The following TNKS2 variants were observed in gnomAD, a reference collection of about 807,000 sequenced individuals.
The protein encoded by TNKS2 is tankyrase 2.
Under a neutral mutation model 137.6 loss-of-function variants are expected in TNKS2, and 72 were observed. That is an observed-to-expected ratio of 0.52 (90% confidence interval 0.43 to 0.64). The LOEUF (loss-of-function observed/expected upper bound fraction) is 0.64. Ranked by LOEUF, TNKS2 falls within the 30% of genes least tolerant of loss-of-function variation. TNKS2 has a pLI of 0.00. For synonymous variants in TNKS2, 516 were observed against 512.1 expected (o/e 1.01, Z -0.10); for missense variants, 1,049 against 1,410.2 (o/e 0.74, Z 4.10).
At chr10:91,861,971 G>C (rs1164950650) in intron 25 of TNKS2, 28 bp from the exon 26 acceptor site, 1 of 1,587,330 alleles carries the variant, frequency 6.3e-7, no homozygotes, top group East Asian at 2.3e-5. Flanking sequence ...TTTGACTTCA[G>C]GGTGATCTTT....
At chr10:91,855,235 A>G (rs1842670478) in intron 22 of TNKS2, 109 bp downstream of exon 22, 1 of 724,142 alleles carries the variant, frequency 1.4e-6, no homozygotes, top group Non-Finnish European at 2.3e-6. Context: ...TTTCACCTAT[A>G]AAATCTGTTT....
intron 1 of TNKS2, among the ~76,000 whole-genome samples, chr10:91,800,655 G>T (rs1424561801): frequency 2.0e-5 from 3 of 152,044 alleles, no homozygotes; most frequent in Non-Finnish European, 2.9e-5. Context: ...AAATTATCAG[G>T]TATAGGTTAT....
chr10:91,862,903 TG>T lies in TNKS2; in HGVS notation c.3439-33del, dbSNP rs755194175. ...TCTGTTTATCTTTCAAGAAAATTTT[TG>T]TACCATTATTTGAATTTATCTTTCT... On this transcript the variant is annotated intron_variant, in intron 26 of 26. Transcript: ENST00000371627. 3 of 1,502,714 alleles carry T rather than the reference TG, an allele frequency of 2.0e-6. No individual in the cohort carries two copies. In the Admixed American group the frequency reaches 5.4e-5, roughly 27 times the overall value. 93.1% of individuals were successfully genotyped at this position (1,502,714 alleles called of 1,614,324 possible).
rs1490197095 is a variant in TNKS2 at position 91,851,272 on chromosome 10, C to T, written c.2751C>T (p.Ile917=). 1.9e-6 allele frequency: 3 copies of T among 1,612,820 alleles called. No homozygotes were observed. In the Admixed American group the frequency reaches 5.0e-5, roughly 27 times the overall value. The change falls in exon 21 of 27, where the codon ATC becomes ATT. Residue 917 remains isoleucine, a synonymous_variant. Coordinates refer to ENST00000371627, the MANE Select transcript of TNKS2 (RefSeq NM_025235.4). ...MGHKELKEIG[I]NAYGHRHKLI... ...ACAAGGAGCTGAAGGAGATTGGAAT[C>T]AATGCTTATGGACATAGGCACAAAC...
chr10:91,826,562 C>G (rs1229363534), intron 7 of TNKS2, among the ~76,000 whole-genome samples: 1 of 152,118 alleles, frequency 6.6e-6, no homozygotes, highest in African/African-American at 2.4e-5. Context: ...ACAGATATAT[C>G]TAATATGTGG....
chr10:91,852,364 T>C (rs1842566490), intron 21 of TNKS2, among the ~76,000 whole-genome samples: 1 of 151,348 alleles, frequency 6.6e-6, no homozygotes, highest in Non-Finnish European at 1.5e-5. Context: ...GAGAACATCC[T>C]GGCTAACATG....
intron 3 of TNKS2, among the ~76,000 whole-genome samples, chr10:91,817,431 T>C (rs924650539): frequency 6.6e-6 from 1 of 152,238 alleles, no homozygotes; most frequent in African/African-American, 2.4e-5. Context: ...TTCTAATTGC[T>C]GTTTAAGTAT....
At chr10:91,842,797 C>A (rs1431519403) in intron 16 of TNKS2, among the ~76,000 whole-genome samples, 2 of 152,026 alleles carry the variant, frequency 1.3e-5, no homozygotes, top group East Asian at 3.9e-4. Context: ...AAATTCAAAT[C>A]AAGTATCTTC....
intron 19 of TNKS2, among the ~76,000 whole-genome samples, chr10:91,849,052 G>A (rs577574801): frequency 6.6e-6 from 1 of 152,294 alleles, no homozygotes; most frequent in South Asian, 2.1e-4. Flanking sequence ...GGCCAGACTG[G>A]TCTTGAACTC....
At chr10:91,857,008 C>T (rs1175214006) in intron 23 of TNKS2, among the ~76,000 whole-genome samples, 2 of 152,040 alleles carry the variant, frequency 1.3e-5, no homozygotes, top group Non-Finnish European at 2.9e-5. Context: ...GACGCTATTT[C>T]AAATATTCTT....
At chr10:91,820,253 T>G (rs1589657498) in intron 6 of TNKS2, among the ~76,000 whole-genome samples, 1 of 152,280 alleles carries the variant, frequency 6.6e-6, no homozygotes, top group East Asian at 1.9e-4. Context: ...AAAAGATACC[T>G]AAGAATACAA....
At chr10:91,832,782 T>G (rs1160409661) in intron 11 of TNKS2, among the ~76,000 whole-genome samples, 5 of 152,144 alleles carry the variant, frequency 3.3e-5, no homozygotes, top group Admixed American at 2.0e-4. Context: ...AGGGATAACG[T>G]TGGTGGAGTC....
In TNKS2 at chr10:91,857,534, A is replaced by C; in HGVS notation, c.3094+4A>C. ...AATGAACGAATGCTATTTCATGGTA[A>C]GATTCCTCCCCACCAACTCTACCAC... On this transcript the variant is annotated splice_donor_region_variant and intron_variant, in intron 24 of 26. Coordinates refer to ENST00000371627, the MANE Select transcript of TNKS2 (RefSeq NM_025235.4). 1 of 1,600,354 alleles carries C rather than the reference A, an allele frequency of 6.2e-7. No individual in the cohort carries two copies. Among genetic ancestry groups the C allele is most frequent in the Non-Finnish European group, 8.6e-7 (1 of 1,169,236 alleles).
intron 6 of TNKS2, among the ~76,000 whole-genome samples, chr10:91,820,726 G>C (rs1245488984): frequency 6.6e-6 from 1 of 152,200 alleles, no homozygotes; most frequent in Non-Finnish European, 1.5e-5. Context: ...AGAGAGAGGA[G>C]ACTAGAAGCA....
At chr10:91,833,706 T>G in intron 11 of TNKS2, 147 bp from the exon 12 acceptor site, 1 of 609,280 alleles carries the variant, frequency 1.6e-6, no homozygotes, top group South Asian at 4.6e-5. Flanking sequence ...ATTCTCTAGA[T>G]TTGAGCAAAA....
chr10:91,835,055 G>T (rs1016207940), intron 12 of TNKS2, among the ~76,000 whole-genome samples: 1 of 152,116 alleles, frequency 6.6e-6, no homozygotes, highest in African/African-American at 2.4e-5. Context: ...CCTGTTTTCT[G>T]TCAGCACTAG....
At chr10:91,819,107 A>G (rs1390957914) in intron 3 of TNKS2, among the ~76,000 whole-genome samples, 163 bp from the exon 4 acceptor site, 1 of 152,176 alleles carries the variant, frequency 6.6e-6, no homozygotes, top group East Asian at 1.9e-4. Flanking sequence ...TCTTCATGCA[A>G]ATATTTTTAA....
chr10:91,808,011 AAG>A (rs1844385419), intron 1 of TNKS2, among the ~76,000 whole-genome samples: 2 of 112,682 alleles, frequency 1.8e-5, no homozygotes, highest in South Asian at 8.2e-4. Flanking sequence ...AAAAAAAAAA[AAG>A]AGTCTAGAAA....
chr10:91,844,479 G>T (rs1383212870), intron 16 of TNKS2, among the ~76,000 whole-genome samples: 1 of 152,148 alleles, frequency 6.6e-6, no homozygotes, highest in African/African-American at 2.4e-5. Flanking sequence ...GGACTCTGAG[G>T]CCCACTCTGG....
Sources: gnomAD v4.1 joint callset for allele counts (sites outside exome capture counted in the v4.1 genomes callset) on GRCh38, gnomAD v4.1.1 for gene constraint, MANE v1.5 for transcripts, NCBI Gene and HGNC (gene_info 2026-07-23, HGNC 2026-07-21) for gene names.